UBE2V1: variants seen among roughly 807,000 people sequenced by gnomAD.
UBE2V1 encodes ubiquitin conjugating enzyme E2 V1, also known as ubiquitin-conjugating enzyme E2 variant 1.
UBE2V1 carries 15 observed loss-of-function variants against 19.6 expected under a neutral mutation model. The observed-to-expected ratio is 0.77, with a 90% CI of 0.51 to 1.18. The LOEUF is 1.18. Ranked by LOEUF, UBE2V1 falls within the 50% of genes most tolerant of loss-of-function variation. UBE2V1 has a pLI of 0.00. For missense variants in UBE2V1, 125 were observed against 184.8 expected, an observed-to-expected ratio of 0.68 and a Z score of 1.88; for synonymous variants, 60 against 60.7, an observed-to-expected ratio of 0.99 and a Z score of 0.05.
intron 1 of UBE2V1, among the ~76,000 whole-genome samples, chr20:50,107,083 A>C (rs1383877680): frequency 1.3e-5 from 2 of 152,164 alleles, no homozygotes; most frequent in African/African-American, 4.8e-5. Context: ...AGCCATAAGC[A>C]AGTAACTTTT....
At chr20:50,089,858 G>C (rs2269217) in intron 2 of UBE2V1, among the ~76,000 whole-genome samples, 36,101 of 152,148 alleles carry the variant, frequency 0.24, 4,397 homozygotes, top group Admixed American at 0.32. Context: ...AAAAGTAGGA[G>C]GCATTTGACC....
intron 1 of UBE2V1, among the ~76,000 whole-genome samples, chr20:50,110,313 T>C (rs961177259): frequency 6.6e-6 from 1 of 152,220 alleles, no homozygotes; most frequent in African/African-American, 2.4e-5. Flanking sequence ...AAGACATATG[T>C]AGATATCACA....
chr20:50,085,808 G>T (rs774885962), intron 2 of UBE2V1, among the ~76,000 whole-genome samples: 5 of 152,104 alleles, frequency 3.3e-5, no homozygotes, highest in Non-Finnish European at 5.9e-5. Flanking sequence ...TTCCTCCTCA[G>T]TGAATGACAT....
Position 50,101,331 on chromosome 20 carries a change from A to G in UBE2V1, c.23-4511T>C, listed in dbSNP as rs559910412. Among the ~76,000 whole-genome samples the G allele has an allele frequency of 1.4e-3, 212 of 152,030 alleles. 2 individuals carry two copies. The highest frequency in any genetic ancestry group is 0.01 in the Middle Eastern group (3 of 292). On this transcript the variant is annotated intron_variant, in intron 1 of 3. Transcript: ENST00000371674. ...TATCTACTGAACAATTACAATAAAC[A>G]TTTATTTCATTTGAACAGCAGTTCT...
At chr20:50,097,368 CTCTTT>C (rs1216352885) in intron 1 of UBE2V1, among the ~76,000 whole-genome samples, 1 of 152,196 alleles carries the variant, frequency 6.6e-6, no homozygotes, top group Admixed American at 6.5e-5. Flanking sequence ...GTGATAGTTT[CTCTTT>C]TAACTTACAA....
intron 2 of UBE2V1, chr20:50,096,070 T>C (rs139173243): frequency 6.6e-6 from 1 of 152,602 alleles, no homozygotes; most frequent in Non-Finnish European, 1.5e-5. Flanking sequence ...CAAAAAACGG[T>C]TGGCTGGCAT....
chr20:50,111,147 G>A (rs2080725509), intron 1 of UBE2V1: 1 of 650,998 alleles, frequency 1.5e-6, no homozygotes, highest in African/African-American at 2.0e-5. Flanking sequence ...TGAATAAACA[G>A]ACAAAAGAAT....
intron 1 of UBE2V1, among the ~76,000 whole-genome samples, chr20:50,106,747 T>C (rs1239354118): frequency 6.6e-6 from 1 of 151,956 alleles, no homozygotes; most frequent in Non-Finnish European, 1.5e-5. Context: ...GAGAATCACT[T>C]GAACCTGAAC....
rs770773811 is a variant in UBE2V1, at chr20:50,084,147, T to C, written c.279A>G (p.Val93=). ...AACTTACCACTCCATTAGAACTATT[T>C]ACTCCATTCATATTAATTTTTGTTA... ...RFVTKINMNG[V]NSSNGVVDPR... The change falls in exon 3 of 4, where the codon GTA becomes GTG. Residue 93 remains valine, a synonymous_variant. Transcript: ENST00000371674. The C allele has an allele frequency of 1.2e-6, 2 of 1,601,242 alleles. No homozygotes were observed.
chr20:50,104,655 CAAAA>C (rs113771532), intron 1 of UBE2V1, among the ~76,000 whole-genome samples: 10 of 71,616 alleles, frequency 1.4e-4, no homozygotes, highest in African/African-American at 4.6e-4. Flanking sequence ...GACTCTGGCA[CAAAA>C]AAAAAAAAAA....
At chr20:50,103,961 A>G (rs2080177368) in intron 1 of UBE2V1, among the ~76,000 whole-genome samples, 1 of 149,640 alleles carries the variant, frequency 6.7e-6, no homozygotes, top group African/African-American at 2.5e-5. Flanking sequence ...ATGATACTCA[A>G]TATCAATAAA....
In UBE2V1 at chr20:50,109,150, G is replaced by A. The variant is rs558321652; in HGVS notation, c.22+3957C>T. The A allele has an allele frequency of 2.9e-5, 29 of 985,022 alleles. No individual in the cohort carries two copies. The African/African-American group carries it at 4.5e-4, about 15-fold the overall frequency. 61.0% of individuals were successfully genotyped at this position (985,022 alleles called of 1,614,324 possible). On this transcript the variant is annotated intron_variant, in intron 1 of 3. Coordinates refer to ENST00000371674, the MANE Select transcript of UBE2V1 (RefSeq NM_001032288.3). ...GATGAGACAACATCACAGGTAAGTC[G>A]AAGTCTATGGGACACTCTAAAGCAC...
At chr20:50,104,280 CAAAAA>C (rs34011542) in intron 1 of UBE2V1, 91 of 843,076 alleles carry the variant, frequency 1.1e-4, no homozygotes, top group South Asian at 1.7e-4. Flanking sequence ...GACTCCGTCT[CAAAAA>C]AAAAAAAAAA....
intron 2 of UBE2V1, chr20:50,084,667 G>T: frequency 2.5e-6 from 1 of 401,712 alleles, no homozygotes; most frequent in Non-Finnish European, 4.9e-6. Flanking sequence ...TTAAAGCACA[G>T]AACAGGTCAC....
chr20:50,094,247 T>C (rs1258488356), intron 2 of UBE2V1, among the ~76,000 whole-genome samples: 1 of 141,702 alleles, frequency 7.1e-6, no homozygotes, highest in Non-Finnish European at 1.5e-5. Context: ...TAATGCATTA[T>C]ATAATATATA....
rs1400836387 is a variant in UBE2V1 at position 50,099,391 on chromosome 20, T to G, written c.23-2571A>C. 8.5e-5 allele frequency among the ~76,000 whole-genome samples: 13 copies of G among 152,328 alleles called. No individual in the cohort carries two copies. In the East Asian group the frequency reaches 2.3e-3, roughly 27 times the overall value. Reference sequence around the variant, plus strand: ...TGTTATGACAGCACTAGCAAACTCATATAGATGATAAGTGACATCTTAAGG... The same window carrying G: ...TGTTATGACAGCACTAGCAAACTCAGATAGATGATAAGTGACATCTTAAGG... On this transcript the variant is annotated intron_variant, in intron 1 of 3. Coordinates refer to ENST00000371674, the MANE Select transcript of UBE2V1 (RefSeq NM_001032288.3).
intron 3 of UBE2V1, among the ~76,000 whole-genome samples, chr20:50,083,143 G>A (rs1471196489): frequency 2.0e-5 from 3 of 152,206 alleles, no homozygotes; most frequent in South Asian, 2.1e-4. Flanking sequence ...ATAAGGAAAC[G>A]GTGGTACTGA....
intron 1 of UBE2V1, among the ~76,000 whole-genome samples, chr20:50,100,102 A>C (rs2079888940): frequency 6.6e-6 from 1 of 151,710 alleles, no homozygotes; most frequent in African/African-American, 2.4e-5. Flanking sequence ...TGTCTCAAAA[A>C]CCAAAAATAA....
At chr20:50,083,726 T>C (rs1229842934) in intron 3 of UBE2V1, 2 of 155,066 alleles carry the variant, frequency 1.3e-5, no homozygotes, top group Admixed American at 1.3e-4. Context: ...TTTTCATTTA[T>C]GGTAGTAAAA....
Sources: allele counts gnomAD v4.1 joint callset (sites outside exome capture counted in the v4.1 genomes callset), GRCh38; gene constraint gnomAD v4.1.1; transcripts MANE v1.5; gene names NCBI Gene and HGNC (gene_info 2026-07-23, HGNC 2026-07-21).